The following CACNG5 variants were observed in gnomAD, a reference collection of about 807,000 sequenced individuals.
CACNG5 encodes the protein calcium voltage-gated channel auxiliary subunit gamma 5.
CACNG5 carries 18 observed loss-of-function variants against 24.8 expected under a neutral mutation model. The ratio of observed to expected loss-of-function variants is 0.73; its 90% CI spans 0.50 to 1.08. CACNG5 has a LOEUF of 1.08. Ranked by LOEUF, CACNG5 falls within the 50% of genes least tolerant of loss-of-function variation. The pLI, the probability that CACNG5 is intolerant of heterozygous loss-of-function variation, is 0.00. For missense variants in CACNG5, 349 were observed against 367.9 expected (o/e 0.95, Z 0.42); for synonymous variants, 157 against 149.1 (o/e 1.05, Z -0.39).
chr17:66,879,106 G>T lies in CACNG5; in HGVS notation c.283+48G>T, dbSNP rs765133515. 3 of 1,360,290 alleles carry T rather than the reference G, an allele frequency of 2.2e-6. No individual in the cohort carries two copies. In the African/African-American group the frequency reaches 4.3e-5, roughly 19 times the overall value. 84.3% of individuals were successfully genotyped at this position (1,360,290 alleles called of 1,614,324 possible). On this transcript the variant is annotated intron_variant, in intron 3 of 5. Transcript: ENST00000533854. ...CCTGGGCCACTGGCTGGACAGAGAG[G>T]AGCAAGGCAGAGGGAAGAGTCAGTG...
Position 66,885,038 on chromosome 17 carries a change from T to C in CACNG5, c.626T>C (p.Met209Thr), listed in dbSNP as rs1251865643. The C allele has an allele frequency of 1.9e-6, 3 of 1,614,148 alleles. No individual in the cohort carries two copies. Among genetic ancestry groups the C allele is most frequent in the South Asian group, 1.1e-5 (1 of 91,086 alleles). Residue 209 changes from methionine to threonine, a missense_variant, in exon 6 of 6, where the codon ATG becomes ACG. Transcript: ENST00000533854. ...LFMKRYTAED[M>T]YRPHPGFYRP... ...ATGAAGCGGTACACCGCGGAGGACA[T>C]GTACAGGCCCCACCCTGGCTTCTAC... is the stretch of plus-strand genomic sequence containing the variant.
chr17:66,883,078 A>C (rs1977187758), intron 4 of CACNG5, among the ~76,000 whole-genome samples: 1 of 152,094 alleles, frequency 6.6e-6, no homozygotes, highest in African/African-American at 2.4e-5. Flanking sequence ...TCCATCTATC[A>C]ACCCATCCTT....
chr17:66,871,110 G>T (rs530143603), intron 1 of CACNG5, among the ~76,000 whole-genome samples: 2 of 152,126 alleles, frequency 1.3e-5, no homozygotes, highest in Admixed American at 1.3e-4. Context: ...AAGATTTTGC[G>T]GTCATTTTTT....
At position 66,888,718 on chromosome 17, in the gene CACNG5, G is replaced by A. The variant is rs1357624964; in HGVS notation, c.*3478G>A. Among the ~76,000 whole-genome samples the A allele has an allele frequency of 6.6e-6, 1 of 152,070 alleles. No homozygotes were observed. Among genetic ancestry groups the A allele is most frequent in the Non-Finnish European group, 1.5e-5 (1 of 68,002 alleles). ...AGAGTATTTATTGGTGAGACAGCTT[G>A]GAATGTTTCTGTGTGTGGGAGAAGT... On this transcript the variant is annotated 3_prime_UTR_variant, in exon 6 of 6. Transcript: ENST00000533854.
intron 1 of CACNG5, among the ~76,000 whole-genome samples, chr17:66,849,674 G>A (rs1170420939): frequency 6.6e-6 from 1 of 152,216 alleles, no homozygotes; most frequent in African/African-American, 2.4e-5. Flanking sequence ...CAGCCTTCGT[G>A]TTCTCACAGG....
At chr17:66,857,065 GTTTTTTTTTT>G (rs56153121) in intron 1 of CACNG5, among the ~76,000 whole-genome samples, 2 of 94,030 alleles carry the variant, frequency 2.1e-5, no homozygotes, top group African/African-American at 8.8e-5. Context: ...CAATTTTTAA[GTTTTTTTTTT>G]TTTTTTTTTT....
At chr17:66,882,935 C>A (rs74584751) in intron 4 of CACNG5, among the ~76,000 whole-genome samples, 11,091 of 127,412 alleles carry the variant, frequency 0.087, 425 homozygotes, top group East Asian at 0.16. Flanking sequence ...CTTTCTTTCT[C>A]CTTCCATCCA....
chr17:66,874,708 G>A lies in CACNG5; in HGVS notation c.-103-2522G>A, dbSNP rs1399803535. Among the ~76,000 whole-genome samples, 3 of 152,122 alleles carry A rather than the reference G, an allele frequency of 2.0e-5. No homozygotes were observed. The East Asian group carries it at 5.8e-4, about 29-fold the overall frequency. On this transcript the variant is annotated intron_variant, in intron 1 of 5. Transcript: ENST00000533854. Reference sequence around the variant, plus strand: ...ATCAAATTTCAACATGAGCTTTGGTGGGGGCAAACAAACCACCTTATCCGA... The same window carrying A: ...ATCAAATTTCAACATGAGCTTTGGTAGGGGCAAACAAACCACCTTATCCGA...
chr17:66,847,959 G>A (rs891137079), intron 1 of CACNG5, among the ~76,000 whole-genome samples: 1 of 152,212 alleles, frequency 6.6e-6, no homozygotes, highest in African/African-American at 2.4e-5. Flanking sequence ...CTTGGCCGGG[G>A]TAGGCTGTGA....
chr17:66,861,043 AC>A (rs1976849422), intron 1 of CACNG5, among the ~76,000 whole-genome samples: 1 of 152,112 alleles, frequency 6.6e-6, no homozygotes, highest in African/African-American at 2.4e-5. Flanking sequence ...ACACACACAC[AC>A]ACCAGAAGTA....
chr17:66,837,360 G>A lies in CACNG5; in HGVS notation c.-104+2110G>A, dbSNP rs191048021. On this transcript the variant is annotated intron_variant, in intron 1 of 5. Transcript: ENST00000533854. ...GATGGAGGATGTAACCCAGTCTCCA[G>A]CAAACTCTGCCTCTGCAGGGAGCTG... Among the ~76,000 whole-genome samples, 16 of 152,328 alleles carry A rather than the reference G, an allele frequency of 1.1e-4. No homozygotes were observed. In the East Asian group the frequency reaches 3.1e-3, roughly 29 times the overall value.
intron 1 of CACNG5, among the ~76,000 whole-genome samples, chr17:66,855,871 T>C (rs932468834): frequency 5.3e-5 from 8 of 152,240 alleles, no homozygotes; most frequent in African/African-American, 1.9e-4. Context: ...CACAATCCTA[T>C]TATCAAAGTA....
intron 1 of CACNG5, among the ~76,000 whole-genome samples, chr17:66,867,629 T>A (rs1976948741): frequency 6.6e-6 from 1 of 152,200 alleles, no homozygotes; most frequent in South Asian, 2.1e-4. Context: ...CTTTAATCCA[T>A]CTTGAGTTAA....
chr17:66,868,092 C>T (rs1281684917), intron 1 of CACNG5, among the ~76,000 whole-genome samples: 1 of 152,178 alleles, frequency 6.6e-6, no homozygotes, highest in Admixed American at 6.5e-5. Flanking sequence ...ATTTATGAGA[C>T]ATCTTGTTGG....
chr17:66,861,799 G>A (rs373395501), intron 1 of CACNG5, among the ~76,000 whole-genome samples: 2 of 152,236 alleles, frequency 1.3e-5, no homozygotes, highest in African/African-American at 4.8e-5. Context: ...GTGGTGGCCC[G>A]AGCAGGCTCC....
intron 1 of CACNG5, among the ~76,000 whole-genome samples, chr17:66,855,132 C>G (rs1976756519): frequency 6.6e-6 from 1 of 152,214 alleles, no homozygotes; most frequent in African/African-American, 2.4e-5. Flanking sequence ...TTAAACACCC[C>G]CCAATACAGG....
At chr17:66,846,451 G>T (rs1976638846) in intron 1 of CACNG5, among the ~76,000 whole-genome samples, 1 of 152,060 alleles carries the variant, frequency 6.6e-6, no homozygotes, top group African/African-American at 2.4e-5. Context: ...TGCCTTTTAT[G>T]GACACATCAC....
In CACNG5 at chr17:66,874,349, A is replaced by G. The variant is rs528066997; in HGVS notation, c.-103-2881A>G. Among the ~76,000 whole-genome samples, 33 of 152,336 alleles carry G rather than the reference A, an allele frequency of 2.2e-4. 1 individual carries two copies. In the East Asian group the frequency reaches 3.5e-3, roughly 16 times the overall value. On this transcript the variant is annotated intron_variant, in intron 1 of 5. Coordinates refer to ENST00000533854, the MANE Select transcript of CACNG5 (RefSeq NM_145811.3). ...GTGTCTTAGTTTGTTCTGTGTTGCT[A>G]TAACAGAATACCTGAGACTGGATAA... is the stretch of plus-strand genomic sequence containing the variant.
chr17:66,890,704 T>C lies in CACNG5; in HGVS notation c.*5464T>C, dbSNP rs1363311315. Among the ~76,000 whole-genome samples, 1 of 152,222 alleles carries C rather than the reference T, an allele frequency of 6.6e-6. No individual in the cohort carries two copies. The highest frequency in any genetic ancestry group is 2.4e-5 in the African/African-American group (1 of 41,472). On this transcript the variant is annotated 3_prime_UTR_variant, in exon 6 of 6. Transcript: ENST00000533854. Reference sequence around the variant, plus strand: ...TCTCATCAGGTGCTGCTGCACCCTCTGTGTGTTACCAGCAGCCCTCGGAAC... The same window carrying C: ...TCTCATCAGGTGCTGCTGCACCCTCCGTGTGTTACCAGCAGCCCTCGGAAC...
Sources: allele counts gnomAD v4.1 joint callset (sites outside exome capture counted in the v4.1 genomes callset), GRCh38; gene constraint gnomAD v4.1.1; transcripts MANE v1.5; gene names NCBI Gene and HGNC (gene_info 2026-07-23, HGNC 2026-07-21).